The following ZBED3 variants were observed in gnomAD, a reference collection of about 807,000 sequenced individuals.
ZBED3 encodes the protein zinc finger BED-type containing 3.
For missense variants in ZBED3, 388 were observed against 362.9 expected (o/e 1.07, Z -0.56); for synonymous variants, 175 against 180.0 (o/e 0.97, Z 0.22).
intron 1 of ZBED3, among the ~76,000 whole-genome samples, chr5:77,083,174 C>T (rs916094447): frequency 2.0e-5 from 3 of 152,134 alleles, no homozygotes; most frequent in Non-Finnish European, 2.9e-5. Flanking sequence ...AGCAAAACAA[C>T]CCTTGGCTCC....
chr5:77,080,575 C>T (rs1554048334), intron 1 of ZBED3: 22 of 519,130 alleles, frequency 4.2e-5, no homozygotes, highest in South Asian at 2.9e-4. Flanking sequence ...TCCTCCACAT[C>T]ATGCGGCTAT....
At position 77,077,419 on chromosome 5, in the gene ZBED3, C is replaced by T. The variant is rs1175906662; in HGVS notation, c.460G>A (p.Glu154Lys). 2 of 1,232,014 alleles carry T rather than the reference C, an allele frequency of 1.6e-6. No homozygotes were observed. Among genetic ancestry groups the T allele is most frequent in the Non-Finnish European group, 2.0e-6 (2 of 985,130 alleles). 76.3% of individuals were successfully genotyped at this position (1,232,014 alleles called of 1,614,324 possible). Residue 154 changes from glutamate to lysine, a missense_variant, in exon 3 of 3, where the codon GAG becomes AAG. Glu to Lys is a moderately conservative substitution (Grantham distance 56). Coordinates refer to ENST00000255198, the MANE Select transcript of ZBED3 (RefSeq NM_032367.4). The part of the protein sequence containing the change: ...SRRERELERR[E>K]LAVEQGERAL... ...CGCTCGCCCTGCTCCACGGCCAGCTCGCGCCGCTCCAGCTCCCGCTCCCGC... is the reference window on the plus strand; with the variant it reads ...CGCTCGCCCTGCTCCACGGCCAGCTTGCGCCGCTCCAGCTCCCGCTCCCGC...
chr5:77,083,753 C>T (rs1743177950), intron 1 of ZBED3, among the ~76,000 whole-genome samples: 1 of 152,114 alleles, frequency 6.6e-6, no homozygotes, highest in Admixed American at 6.5e-5. Flanking sequence ...GAATTGACTA[C>T]AAAGAGCAAA....
At chr5:77,077,944 G>A in intron 2 of ZBED3, 49 bp from the exon 3 acceptor site, 1 of 1,185,966 alleles carries the variant, frequency 8.4e-7, no homozygotes, top group Non-Finnish European at 1.1e-6. Context: ...CACGCACACA[G>A]CTCCTAGACT....
At chr5:77,085,219 A>G (rs1489691914) in intron 1 of ZBED3, among the ~76,000 whole-genome samples, 1 of 152,248 alleles carries the variant, frequency 6.6e-6, no homozygotes, top group African/African-American at 2.4e-5. Context: ...GTCCCTGAAT[A>G]CCAATATAAA....
intron 1 of ZBED3, 133 bp from the exon 2 acceptor site, chr5:77,078,861 G>A (rs1743076669): frequency 6.6e-6 from 1 of 152,090 alleles, no homozygotes; most frequent in South Asian, 2.1e-4. Context: ...AGATACCCAA[G>A]GCATAAAACA....
intron 1 of ZBED3, among the ~76,000 whole-genome samples, chr5:77,083,124 C>T (rs977120007): frequency 2.6e-5 from 4 of 152,010 alleles, no homozygotes; most frequent in East Asian, 1.9e-4. Context: ...GTAGTAAGAG[C>T]GAAACTCCAT....
intron 1 of ZBED3, chr5:77,080,632 A>G (rs774452068): frequency 8.1e-5 from 42 of 517,074 alleles, no homozygotes; most frequent in Non-Finnish European, 1.5e-4. Context: ...CTGAGTGACC[A>G]GCAGTCTATG....
rs1743124663 is a variant in ZBED3 at position 77,081,315 on chromosome 5, CT to C, written c.-152-2588del. Reference sequence around the variant, plus strand: ...ATGGGATGGATTTTAGGAAAGCATTCTGGCCATTTCTTTTCTTTCTTTCTTT... The same window carrying C: ...ATGGGATGGATTTTAGGAAAGCATTCGGCCATTTCTTTTCTTTCTTTCTTT... On this transcript the variant is annotated intron_variant, in intron 1 of 2. Coordinates refer to ENST00000255198, the MANE Select transcript of ZBED3 (RefSeq NM_032367.4). Among the ~76,000 whole-genome samples, 3 of 149,796 alleles carry C rather than the reference CT, an allele frequency of 2.0e-5. No homozygotes were observed. In the South Asian group the frequency reaches 6.4e-4, roughly 32 times the overall value.
chr5:77,074,070 CTG>C lies in ZBED3; in HGVS notation c.*3102_*3103del, dbSNP rs1227997306. 2.6e-5 allele frequency: 4 copies of C among 152,176 alleles called. No individual in the cohort carries two copies. Among genetic ancestry groups the C allele is most frequent in the Non-Finnish European group, 5.9e-5 (4 of 68,076 alleles). 9.4% of individuals were successfully genotyped at this position (152,176 alleles called of 1,614,324 possible). ...CTTTTTAAAGTGGAGGGAAGGCAAACTGAGGCATAGAGATGCCAATACCAGGT... is the reference window on the plus strand; with the variant it reads ...CTTTTTAAAGTGGAGGGAAGGCAAACAGGCATAGAGATGCCAATACCAGGT... On this transcript the variant is annotated 3_prime_UTR_variant, in exon 3 of 3. Transcript: ENST00000255198.
At chr5:77,086,639 A>C (rs1743246132) in intron 1 of ZBED3, 1 of 40,688 alleles carries the variant, frequency 2.5e-5, no homozygotes, top group Non-Finnish European at 4.4e-5. Context: ...TTTGGGGGCC[A>C]TGAGGGGTGG....
chr5:77,077,845 G>T lies in ZBED3; in HGVS notation c.34C>A (p.Gln12Lys), dbSNP rs945742135. 2.6e-5 allele frequency: 34 copies of T among 1,290,928 alleles called. No homozygotes were observed. The highest frequency in any genetic ancestry group is 3.3e-5 in the Non-Finnish European group (34 of 1,024,994). The allele number at this position is 1,290,928 out of a possible 1,614,324, so 80.0% of individuals were successfully genotyped here. A position where few individuals can be genotyped will look rare whatever the true frequency, so the allele number is the denominator to read the frequency against. The change falls in exon 3 of 3, where the codon CAG (glutamine) becomes AAG (lysine). Residue 12 changes from glutamine to lysine, a missense_variant. Physicochemically the swap from Gln to Lys is moderately conservative, Grantham distance 53 (BLOSUM62 1). Coordinates refer to ENST00000255198, the MANE Select transcript of ZBED3 (RefSeq NM_032367.4). ...RSGEPACTMD[Q>K]ARGLDDAAAR... ...GCCGCGTCGTCCAGCCCGCGGGCCTGGTCCATGGTGCAGGCCGGCTCGCCA... is the reference window on the plus strand; with the variant it reads ...GCCGCGTCGTCCAGCCCGCGGGCCTTGTCCATGGTGCAGGCCGGCTCGCCA...
intron 1 of ZBED3, chr5:77,080,565 T>A (rs748345516): frequency 1.9e-6 from 1 of 519,228 alleles, no homozygotes; most frequent in Non-Finnish European, 3.8e-6. Context: ...ACCTTCTCAG[T>A]CCTCCACATC....
At chr5:77,080,584 A>C (rs1743108518) in intron 1 of ZBED3, 1 of 519,124 alleles carries the variant, frequency 1.9e-6, no homozygotes, top group African/African-American at 1.9e-5. Context: ...TCATGCGGCT[A>C]TATTCTAGCT....
chr5:77,079,445 A>C (rs1743086999), intron 1 of ZBED3: 1 of 152,268 alleles, frequency 6.6e-6, no homozygotes, highest in Admixed American at 6.5e-5. Flanking sequence ...TTTAGTGTAA[A>C]CTATGAATTC....
At chr5:77,084,170 G>T (rs1743186292) in intron 1 of ZBED3, among the ~76,000 whole-genome samples, 1 of 152,138 alleles carries the variant, frequency 6.6e-6, no homozygotes, top group African/African-American at 2.4e-5. Flanking sequence ...TTGCCCTCAG[G>T]AAGCGTACGG....
intron 1 of ZBED3, among the ~76,000 whole-genome samples, chr5:77,080,039 A>T (rs1451787915): frequency 6.6e-6 from 1 of 152,200 alleles, no homozygotes; most frequent in Non-Finnish European, 1.5e-5. Flanking sequence ...TGCAGAGACT[A>T]TTATAATGAA....
rs563112505 is a variant in ZBED3, at chr5:77,076,373, C to A, written c.*801G>T. On this transcript the variant is annotated 3_prime_UTR_variant, in exon 3 of 3. Transcript: ENST00000255198. ...TTCAGCCCAGAGGTGAGCACTATGACGACATGTGGGGAAGAAGCCCTCTTC... is the reference window on the plus strand; with the variant it reads ...TTCAGCCCAGAGGTGAGCACTATGAAGACATGTGGGGAAGAAGCCCTCTTC... The A allele has an allele frequency of 8.1e-4, 123 of 152,134 alleles. No homozygotes were observed. The highest frequency in any genetic ancestry group is 2.8e-3 in the African/African-American group (116 of 41,494). 9.4% of individuals were successfully genotyped at this position (152,134 alleles called of 1,614,324 possible).
rs776512729 is a variant in ZBED3, at chr5:77,077,825, G to A, written c.54C>T (p.Asp18=). 9 of 1,295,160 alleles carry A rather than the reference G, an allele frequency of 6.9e-6. No individual in the cohort carries two copies. Among genetic ancestry groups the A allele is most frequent in the East Asian group, 3.1e-5 (1 of 32,278 alleles). The allele number at this position is 1,295,160 out of a possible 1,614,324, so 80.2% of individuals were successfully genotyped here. Reference sequence around the variant, plus strand: ...GACACTGACCGCCCCGCGCCGCCGCGTCGTCCAGCCCGCGGGCCTGGTCCA... The same window carrying A: ...GACACTGACCGCCCCGCGCCGCCGCATCGTCCAGCCCGCGGGCCTGGTCCA... ...CTMDQARGLD[D]AAARGGQCPG... is the part of the protein sequence containing the mutation. The change falls in exon 3 of 3, where the codon GAC becomes GAT. Residue 18 remains aspartate (D), a synonymous_variant. Transcript: ENST00000255198.
Sources: allele counts gnomAD v4.1 joint callset (sites outside exome capture counted in the v4.1 genomes callset), GRCh38; gene constraint gnomAD v4.1.1; transcripts MANE v1.5; gene names NCBI Gene and HGNC (gene_info 2026-07-23, HGNC 2026-07-21).